PIEZO2: variants seen among roughly 807,000 people sequenced by gnomAD.
The protein encoded by PIEZO2 is piezo-type mechanosensitive ion channel component 2.
In PIEZO2, 172 loss-of-function variants were observed where a neutral mutation model predicts 337.3. The ratio of observed to expected loss-of-function variants is 0.51; its 90% CI spans 0.45 to 0.58. The LOEUF is 0.58. Ranked by LOEUF, PIEZO2 falls within the 20% of genes least tolerant of loss-of-function variation. PIEZO2 has a pLI of 0.00. For synonymous variants in PIEZO2, 1,251 were observed against 1,228.5 expected, an observed-to-expected ratio of 1.02 and a Z score of -0.38; for missense variants, 3,028 against 3,391.3, an observed-to-expected ratio of 0.89 and a Z score of 2.66.
intron 1 of PIEZO2, among the ~76,000 whole-genome samples, chr18:11,123,531 G>T (rs5024976): frequency 6.6e-6 from 1 of 152,036 alleles, no homozygotes; most frequent in African/African-American, 2.4e-5. Flanking sequence ...AAACTGGGAC[G>T]GGCACGGTGG....
intron 1 of PIEZO2, among the ~76,000 whole-genome samples, chr18:11,144,634 C>T (rs1052749064): frequency 7.9e-5 from 12 of 152,250 alleles, no homozygotes; most frequent in Admixed American, 3.9e-4. Context: ...TTTAATCCAA[C>T]TATCCTTAAA....
At position 11,092,057 on chromosome 18, in the gene PIEZO2, T is replaced by C. The variant is rs998254600; in HGVS notation, c.65-25835A>G. 1.3e-5 allele frequency among the ~76,000 whole-genome samples: 2 copies of C among 152,248 alleles called. No homozygotes were observed. Among genetic ancestry groups the C allele is most frequent in the Admixed American group, 1.3e-4 (2 of 15,278 alleles). On this transcript the variant is annotated intron_variant, in intron 1 of 55. Transcript: ENST00000674853. The surrounding 1 kb of genome is among the most constrained non-coding windows in gnomAD (Gnocchi z 4.5). Reference sequence around the variant, plus strand: ...TGGAGGGTGTGGCAAATGTGGTCTTTGATGCAAGGCTTAATTTCACTCAGA... The same window carrying C: ...TGGAGGGTGTGGCAAATGTGGTCTTCGATGCAAGGCTTAATTTCACTCAGA...
rs2030622458 is a variant in PIEZO2, at chr18:10,913,047, A to G, written c.287-1819T>C. Among the ~76,000 whole-genome samples, 9 of 152,176 alleles carry G rather than the reference A, an allele frequency of 5.9e-5. No individual in the cohort carries two copies. In the South Asian group the frequency reaches 1.9e-3, roughly 32 times the overall value. On this transcript the variant is annotated intron_variant, in intron 3 of 55. Coordinates refer to ENST00000674853, the MANE Select transcript of PIEZO2 (RefSeq NM_001378183.1). ...GCCCAGGGGAGTGGGTCCCATGTGA[A>G]TGTCTTCTGACCTGTGAGTCACATG... is the stretch of plus-strand genomic sequence containing the variant.
chr18:10,967,448 T>C (rs937644158), intron 3 of PIEZO2, among the ~76,000 whole-genome samples: 1 of 152,196 alleles, frequency 6.6e-6, no homozygotes, highest in African/African-American at 2.4e-5. Context: ...TGACTTCTTT[T>C]CCTCTAGGTA....
chr18:11,122,352 A>C (rs576536503), intron 1 of PIEZO2, among the ~76,000 whole-genome samples: 75 of 152,350 alleles, frequency 4.9e-4, no homozygotes, highest in Middle Eastern at 3.4e-3. Flanking sequence ...CATTTTAAAC[A>C]ATCAGCCAGG....
At chr18:11,040,287 A>C (rs899206950) in intron 2 of PIEZO2, among the ~76,000 whole-genome samples, 1 of 152,216 alleles carries the variant, frequency 6.6e-6, no homozygotes, top group Non-Finnish European at 1.5e-5. Flanking sequence ...CTGTTTCTAA[A>C]TATAACCTCA....
intron 3 of PIEZO2, among the ~76,000 whole-genome samples, chr18:10,967,468 G>C (rs1199051684): frequency 6.6e-6 from 1 of 152,096 alleles, no homozygotes; most frequent in African/African-American, 2.4e-5. Flanking sequence ...AGGCACCAAG[G>C]GGTGGGATTG....
At chr18:10,991,589 C>T (rs900382595) in intron 2 of PIEZO2, among the ~76,000 whole-genome samples, 1 of 152,116 alleles carries the variant, frequency 6.6e-6, no homozygotes, top group Admixed American at 6.6e-5. Flanking sequence ...CATAGTATTC[C>T]ATGGTGCATA....
chr18:10,816,336 G>A (rs1177009102), intron 7 of PIEZO2, among the ~76,000 whole-genome samples: 1 of 152,102 alleles, frequency 6.6e-6, no homozygotes, highest in African/African-American at 2.4e-5. Flanking sequence ...CTCTTTCAGA[G>A]CCTAAATATT....
intron 2 of PIEZO2, among the ~76,000 whole-genome samples, chr18:11,061,398 C>T (rs953527780): frequency 2.0e-5 from 3 of 150,600 alleles, no homozygotes; most frequent in Non-Finnish European, 4.4e-5. Context: ...GTTGGAAGTT[C>T]TGGCCAGGGC....
At position 10,939,938 on chromosome 18, in the gene PIEZO2, AT is replaced by A. The variant is rs201023661; in HGVS notation, c.287-28711del. Among the ~76,000 whole-genome samples, 1,175 of 151,586 alleles carry A rather than the reference AT, an allele frequency of 7.8e-3. 7 individuals carry two copies. Among genetic ancestry groups the A allele is most frequent in the Non-Finnish European group, 0.011 (774 of 67,772 alleles). ...ATCCCGTGACTTAAAGTAAAATAAA[AT>A]TAAAAAAAAAATACCTCGGCAGAGG... On this transcript the variant is annotated intron_variant, in intron 3 of 55. Transcript: ENST00000674853.
At chr18:10,836,701 A>G (rs2041024609) in intron 7 of PIEZO2, among the ~76,000 whole-genome samples, 1 of 152,220 alleles carries the variant, frequency 6.6e-6, no homozygotes, top group African/African-American at 2.4e-5. Flanking sequence ...AACTTGTCTT[A>G]TGCCTAGGTC....
At chr18:10,887,152 C>G (rs1355379343) in intron 4 of PIEZO2, among the ~76,000 whole-genome samples, 18 of 143,462 alleles carry the variant, frequency 1.3e-4, no homozygotes, top group African/African-American at 4.7e-4. Context: ...TCACTGCAAC[C>G]TCCGCCTCCT....
At chr18:10,680,445 C>T in intron 51 of PIEZO2, 74 bp from the exon 52 acceptor site, 1 of 1,343,406 alleles carries the variant, frequency 7.4e-7, no homozygotes, top group Non-Finnish European at 1.0e-6. Context: ...GTCACTCTTC[C>T]TTTTAACTGG....
rs372274945 is a variant in PIEZO2 at position 10,773,602 on chromosome 18, C to T, written c.2595G>A (p.Pro865=). The T allele has an allele frequency of 1.3e-3, 2,000 of 1,537,248 alleles. 2 individuals are homozygous for T. The highest frequency in any genetic ancestry group is 1.6e-3 in the Non-Finnish European group (1,826 of 1,146,924). ...CAGTCAGATGCATCATGGTGAGGTC[C>T]GGGAGGCTTCCTTCCGGGTGGGCCA... ...NELAHPEGSL[P]DLTMMHLTAS... Residue 865 remains proline, a synonymous_variant, in exon 20 of 56, where the codon CCG becomes CCA. Transcript: ENST00000674853. The surrounding 1 kb of genome is among the most constrained non-coding windows in gnomAD (Gnocchi z 5.3).
rs1348454733 is a variant in PIEZO2, at chr18:11,102,108, C to T, written c.65-35886G>A. 6.6e-6 allele frequency among the ~76,000 whole-genome samples: 1 copy of T among 152,110 alleles called. No homozygotes were observed. Among genetic ancestry groups the T allele is most frequent in the African/African-American group, 2.4e-5 (1 of 41,394 alleles). On this transcript the variant is annotated intron_variant, in intron 1 of 55. Transcript: ENST00000674853. The surrounding 1 kb of genome is among the most constrained non-coding windows in gnomAD (Gnocchi z 5.7). ...AAATGCTGAAAGGATAGACCAAAAC[C>T]CTTCTAAACTAAGAAACAAAGAGAC...
rs952409321 is a variant in PIEZO2 at position 10,682,831 on chromosome 18, C to T, written c.7498-539G>A. Among the ~76,000 whole-genome samples, 2 of 152,052 alleles carry T rather than the reference C, an allele frequency of 1.3e-5. No homozygotes were observed. Among genetic ancestry groups the T allele is most frequent in the Non-Finnish European group, 2.9e-5 (2 of 68,032 alleles). The stretch of plus-strand genomic sequence containing the variant: ...AGATTTGTATGATTAGAAGAGCCCC[C>T]TCTGGGCACTGGCTGTAGGGAGTGG... On this transcript the variant is annotated intron_variant, in intron 49 of 55. Transcript: ENST00000674853. The surrounding 1 kb of genome is among the most constrained non-coding windows in gnomAD (Gnocchi z 5.6).
chr18:11,090,217 C>T (rs954340691), intron 1 of PIEZO2, among the ~76,000 whole-genome samples: 2 of 152,002 alleles, frequency 1.3e-5, no homozygotes, highest in African/African-American at 4.8e-5. Flanking sequence ...CCTCTCTGAC[C>T]TTTGATAGGC....
At chr18:10,694,860 T>A (rs978259609) in intron 47 of PIEZO2, among the ~76,000 whole-genome samples, 8 of 151,444 alleles carry the variant, frequency 5.3e-5, no homozygotes, top group Non-Finnish European at 1.2e-4. Flanking sequence ...AATAAATAAA[T>A]TTTTTAAAAA....
Sources: allele counts gnomAD v4.1 joint callset (sites outside exome capture counted in the v4.1 genomes callset), GRCh38; gene constraint gnomAD v4.1.1; non-coding constraint Gnocchi (gnomAD v3.1); transcripts MANE v1.5; gene names NCBI Gene and HGNC (gene_info 2026-07-23, HGNC 2026-07-21).